Variants in PCNX2 observed in about 807,000 individuals in gnomAD.
PCNX2 encodes pecanex-like protein 2.
In PCNX2, 168 loss-of-function variants were observed where a neutral mutation model predicts 223.8. The ratio of observed to expected loss-of-function variants is 0.75; its 90% CI spans 0.66 to 0.85. The LOEUF (loss-of-function observed/expected upper bound fraction) is 0.85. PCNX2 is among the 40% of genes least tolerant of loss of function. The pLI is 0.00. For missense variants in PCNX2, 2,507 were observed against 2,675.5 expected (o/e 0.94, Z 1.39); for synonymous variants, 1,006 against 1,052.6 (o/e 0.96, Z 0.86).
chr1:233,210,618 A>G, intron 12 of PCNX2: 1 of 985,378 alleles, frequency 1.0e-6, no homozygotes, highest in Non-Finnish European at 1.2e-6. Context: ...ACACCTGTTA[A>G]TAAAATGTCC....
Position 232,991,034 on chromosome 1 carries a change from CTGAGCGTCCACCG to C in PCNX2, c.5792-4507_5792-4495del. ...CTCTGCAGAAGTTAGGGCTGCCCAC[CTGAGCGTCCACCG>C]TGGGCTGCACTGTCCTAGGTGCCGG... On this transcript the variant is annotated intron_variant, in intron 32 of 33. Coordinates refer to ENST00000258229, the MANE Select transcript of PCNX2 (RefSeq NM_014801.4). This position sits in a 1 kb window ranked among gnomAD's most constrained non-coding sequence, Gnocchi z 4.3. Among the ~76,000 whole-genome samples, 1 of 152,268 alleles carries C rather than the reference CTGAGCGTCCACCG, an allele frequency of 6.6e-6. No homozygotes were observed. Among genetic ancestry groups the C allele is most frequent in the Admixed American group, 6.5e-5 (1 of 15,304 alleles).
intron 9 of PCNX2, among the ~76,000 whole-genome samples, chr1:233,231,399 CAA>C (rs960585867): frequency 6.6e-6 from 1 of 151,438 alleles, no homozygotes; most frequent in Non-Finnish European, 1.5e-5. Context: ...TTAAAACAAA[CAA>C]AGTCAGATTT....
In PCNX2 at chr1:233,208,639, C is replaced by T. The variant is rs554058840; in HGVS notation, c.2742G>A (p.Leu914=). ...TYSRPIYFCV[L]CGLILLLDTG... is the part of the protein sequence containing the mutation. Reference sequence around the variant, plus strand: ...TATCAAGAAGCAAAATAAGGCCACACAGCACACAAAAATAGATTGGTCTGC... The same window carrying T: ...TATCAAGAAGCAAAATAAGGCCACATAGCACACAAAAATAGATTGGTCTGC... The change falls in exon 13 of 34, where the codon CTG becomes CTA. Residue 914 remains leucine (L), a synonymous_variant. Coordinates refer to ENST00000258229, the MANE Select transcript of PCNX2 (RefSeq NM_014801.4). The T allele has an allele frequency of 1.2e-6, 2 of 1,613,728 alleles. No individual in the cohort carries two copies. Among genetic ancestry groups the T allele is most frequent in the East Asian group, 2.2e-5 (1 of 44,862 alleles).
At chr1:233,314,872 A>G in the PCNX2 span, among the ~76,000 whole-genome samples, 122 of 152,358 alleles carry the variant, frequency 8.0e-4, no homozygotes, top group African/African-American at 2.8e-3. Flanking sequence ...ACCTTTATCA[A>G]GTGACATTGT....
chr1:233,033,444 T>C (rs184293978), intron 25 of PCNX2, among the ~76,000 whole-genome samples: 4 of 152,326 alleles, frequency 2.6e-5, no homozygotes, highest in East Asian at 1.9e-4. Context: ...CAGAAGCCAA[T>C]GTAGAAAGAA....
At chr1:233,135,332 T>C (rs936073302) in intron 20 of PCNX2, 142 bp from the exon 21 acceptor site, 15 of 766,476 alleles carry the variant, frequency 2.0e-5, no homozygotes, top group Non-Finnish European at 3.1e-5. Context: ...GCCCCATTAT[T>C]GTCTGCATTT....
intron 9 of PCNX2, among the ~76,000 whole-genome samples, chr1:233,228,687 G>C (rs188291816): frequency 2.1e-3 from 321 of 152,288 alleles, no homozygotes; most frequent in African/African-American, 7.4e-3. Flanking sequence ...TCTGTATCAC[G>C]TTTTGTTAAT....
At chr1:233,048,674 A>G (rs954716972) in intron 25 of PCNX2, among the ~76,000 whole-genome samples, 1 of 152,182 alleles carries the variant, frequency 6.6e-6, no homozygotes, top group Non-Finnish European at 1.5e-5. Context: ...AGAACTGAAC[A>G]AAATTGAGAC....
chr1:232,990,857 G>A lies in PCNX2; in HGVS notation c.5792-4317C>T, dbSNP rs952094023. ...CTCTTCCCCAGGGTCGTCTCCCAGG[G>A]CGGACCTTGGGCCTACTTGCAGGCA... is the stretch of plus-strand genomic sequence containing the variant. On this transcript the variant is annotated intron_variant, in intron 32 of 33. Coordinates refer to ENST00000258229, the MANE Select transcript of PCNX2 (RefSeq NM_014801.4). The surrounding 1 kb of genome is among the most constrained non-coding windows in gnomAD (Gnocchi z 4.3). Among the ~76,000 whole-genome samples the A allele has an allele frequency of 6.6e-6, 1 of 152,196 alleles. No homozygotes were observed. Among genetic ancestry groups the A allele is most frequent in the Non-Finnish European group, 1.5e-5 (1 of 68,036 alleles).
At chr1:233,234,719 G>A (rs888906299) in intron 9 of PCNX2, among the ~76,000 whole-genome samples, 2 of 152,142 alleles carry the variant, frequency 1.3e-5, no homozygotes, top group African/African-American at 4.8e-5. Flanking sequence ...ATCTTCCCAA[G>A]CTATCCTGAT....
chr1:233,145,236 G>A (rs1252186421), intron 19 of PCNX2, among the ~76,000 whole-genome samples: 1 of 152,074 alleles, frequency 6.6e-6, no homozygotes, highest in Non-Finnish European at 1.5e-5. Flanking sequence ...AAAGTGTTGG[G>A]ATTACAGCCA....
Position 233,295,525 on chromosome 1 carries a change from G to T in PCNX2, c.-47C>A, listed in dbSNP as rs983518718. On this transcript the variant is annotated 5_prime_UTR_variant, in exon 1 of 34. Transcript: ENST00000258229. This position sits in a 1 kb window ranked among gnomAD's most constrained non-coding sequence, Gnocchi z 4.1. ...GTGAGCGCCCCGCTGCACCCTGCGC[G>T]CCCCGGCCGGATCTCCAGGCTCCCT... is the stretch of plus-strand genomic sequence containing the variant. 2 of 1,470,398 alleles carry T rather than the reference G, an allele frequency of 1.4e-6. No individual in the cohort carries two copies. Among genetic ancestry groups the T allele is most frequent in the Admixed American group, 2.4e-5 (1 of 41,192 alleles). The allele number at this position is 1,470,398 out of a possible 1,614,324, so 91.1% of individuals were successfully genotyped here. A position where few individuals can be genotyped will look rare whatever the true frequency, so the allele number is the denominator to read the frequency against.
intron 13 of PCNX2, among the ~76,000 whole-genome samples, chr1:233,205,948 G>A (rs1374137849): frequency 6.6e-6 from 1 of 152,152 alleles, no homozygotes; most frequent in African/African-American, 2.4e-5. Flanking sequence ...TGTGGGTAGT[G>A]AGAGGATAGA....
Position 232,991,780 on chromosome 1 carries a change from C to T in PCNX2, c.5792-5240G>A, listed in dbSNP as rs1183521438. Among the ~76,000 whole-genome samples, 1 of 152,030 alleles carries T rather than the reference C, an allele frequency of 6.6e-6. No individual in the cohort carries two copies. Among genetic ancestry groups the T allele is most frequent in the Non-Finnish European group, 1.5e-5 (1 of 67,998 alleles). On this transcript the variant is annotated intron_variant, in intron 32 of 33. Coordinates refer to ENST00000258229, the MANE Select transcript of PCNX2 (RefSeq NM_014801.4). The surrounding 1 kb of genome is among the most constrained non-coding windows in gnomAD (Gnocchi z 4.3). The stretch of plus-strand genomic sequence containing the variant: ...CTAGGGAAGGGTCCTGGACCCCACT[C>T]CCCTCCAGCCCTCAGGAGGAACCAA...
intron 32 of PCNX2, among the ~76,000 whole-genome samples, chr1:232,993,662 G>A (rs573132898): frequency 7.9e-5 from 12 of 152,230 alleles, no homozygotes; most frequent in South Asian, 2.1e-4. Flanking sequence ...TGGGGAAAAT[G>A]TCTCCAGGGC....
chr1:233,158,991 C>T (rs1271466646), intron 19 of PCNX2, among the ~76,000 whole-genome samples: 2 of 152,158 alleles, frequency 1.3e-5, no homozygotes, highest in Non-Finnish European at 2.9e-5. Context: ...GTGAGTCTAT[C>T]TTCTTTCAGT....
intron 1 of PCNX2, among the ~76,000 whole-genome samples, chr1:233,292,744 C>A (rs756139396): frequency 6.6e-6 from 1 of 152,062 alleles, no homozygotes; most frequent in Non-Finnish European, 1.5e-5. Flanking sequence ...GGGAAGAGGG[C>A]CTTTTATTTC....
intron 17 of PCNX2, among the ~76,000 whole-genome samples, chr1:233,171,462 T>C (rs577031859): frequency 4.1e-4 from 62 of 152,312 alleles, no homozygotes; most frequent in African/African-American, 1.5e-3. Context: ...GGAGTAAAGT[T>C]CTAGCTTGGT....
chr1:233,265,815 T>A (rs1397147340), intron 1 of PCNX2, among the ~76,000 whole-genome samples: 2 of 151,964 alleles, frequency 1.3e-5, no homozygotes, highest in Non-Finnish European at 2.9e-5. Context: ...GGAAGAAGAG[T>A]AAGAGATAAA....
Sources: gnomAD v4.1 joint callset for allele counts (sites outside exome capture counted in the v4.1 genomes callset) on GRCh38, gnomAD v4.1.1 for gene constraint, Gnocchi (gnomAD v3.1) non-coding constraint, MANE v1.5 for transcripts, NCBI Gene and HGNC (gene_info 2026-07-23, HGNC 2026-07-21) for gene names.